Variants in EHBP1 observed in about 807,000 individuals in gnomAD.
The protein encoded by EHBP1 is EH domain binding protein 1.
In EHBP1, 55 loss-of-function variants were observed where a neutral mutation model predicts 144.0. The observed-to-expected ratio is 0.38, with a 90% confidence interval of 0.31 to 0.48. EHBP1 has a LOEUF of 0.48. Ranked by LOEUF, EHBP1 falls within the 20% of genes least tolerant of loss-of-function variation. The probability of loss-of-function intolerance (pLI) is 0.98; values close to 1 mark genes in which losing one functional copy is unlikely to be tolerated. For missense variants in EHBP1, 1,200 were observed against 1,364.2 expected (o/e 0.88, Z 1.90); for synonymous variants, 469 against 472.7 (o/e 0.99, Z 0.10).
chr2:62,826,170 T>A lies in EHBP1; in HGVS notation c.396T>A (p.Thr132=). The A allele has an allele frequency of 6.2e-7, 1 of 1,611,556 alleles. No homozygotes were observed. Residue 132 remains threonine (T), a synonymous_variant, in exon 6 of 23, where the codon ACT becomes ACA. Transcript: ENST00000431489. ...ATGCAAGCCCTATGCCAACTCAGAC[T>A]GATGTCAAGTTAAAATTCAAGCCAT... ...KQYASPMPTQ[T]DVKLKFKPLS...
chr2:62,830,989 A>G (rs1558749806), intron 6 of EHBP1, 30 bp from the exon 7 acceptor site: 1 of 1,601,330 alleles, frequency 6.2e-7, no homozygotes, highest in Non-Finnish European at 8.5e-7. Flanking sequence ...CATTTAGTAC[A>G]ATGTGTTATA....
chr2:63,038,124 C>T (rs1186916814), intron 20 of EHBP1, among the ~76,000 whole-genome samples: 1 of 151,846 alleles, frequency 6.6e-6, no homozygotes, highest in Non-Finnish European at 1.5e-5. Context: ...GGAGTCTAGA[C>T]AAAATGTAAG....
intron 6 of EHBP1, 93 bp downstream of exon 6, chr2:62,826,361 C>A: frequency 8.7e-7 from 1 of 1,153,396 alleles, no homozygotes; most frequent in Non-Finnish European, 1.2e-6. Context: ...GAACATCTTA[C>A]AGCATACCAA....
intron 14 of EHBP1, among the ~76,000 whole-genome samples, chr2:62,968,422 A>G (rs555084818): frequency 6.6e-6 from 1 of 152,290 alleles, no homozygotes; most frequent in Admixed American, 6.5e-5. Flanking sequence ...ACATAAGCAC[A>G]TATATATCTG....
In EHBP1 at chr2:62,934,028, G is replaced by A. The variant is rs570227596; in HGVS notation, c.1186-8690G>A. 3.3e-5 allele frequency among the ~76,000 whole-genome samples: 5 copies of A among 152,228 alleles called. No homozygotes were observed. The South Asian group carries it at 1.0e-3, about 32-fold the overall frequency. ...ATTTGGAAAATTTTAAAGTGCTGCTGTGAACATTTTTGCATATGTATTCTA... is the reference window on the plus strand; with the variant it reads ...ATTTGGAAAATTTTAAAGTGCTGCTATGAACATTTTTGCATATGTATTCTA... On this transcript the variant is annotated intron_variant, in intron 10 of 22. Coordinates refer to ENST00000431489, the MANE Select transcript of EHBP1 (RefSeq NM_001142616.3).
intron 7 of EHBP1, among the ~76,000 whole-genome samples, chr2:62,857,193 C>T (rs2152782665): frequency 6.6e-6 from 1 of 151,960 alleles, no homozygotes; most frequent in East Asian, 1.9e-4. Context: ...TTTTTTGTTG[C>T]TTTAAGCAAA....
chr2:62,945,969 C>T lies in EHBP1; in HGVS notation c.1413+2119C>T, dbSNP rs549825781. 2.0e-5 allele frequency among the ~76,000 whole-genome samples: 3 copies of T among 150,200 alleles called. No homozygotes were observed. The South Asian group carries it at 6.4e-4, about 32-fold the overall frequency. On this transcript the variant is annotated intron_variant, in intron 12 of 22. Coordinates refer to ENST00000431489, the MANE Select transcript of EHBP1 (RefSeq NM_001142616.3). Reference sequence around the variant, plus strand: ...TTAATTCTTGTATAATTTTGGAGAGCCTGTGTCTATTAAAGTGAAATGCTT... The same window carrying T: ...TTAATTCTTGTATAATTTTGGAGAGTCTGTGTCTATTAAAGTGAAATGCTT...
At chr2:62,739,844 G>A (rs755998173) in intron 2 of EHBP1, among the ~76,000 whole-genome samples, 19 of 151,608 alleles carry the variant, frequency 1.3e-4, no homozygotes, top group Admixed American at 2.6e-4. Context: ...GCTGAAGCAG[G>A]AGGATTGCTT....
intron 10 of EHBP1, among the ~76,000 whole-genome samples, chr2:62,876,091 C>T (rs1265185858): frequency 6.6e-6 from 1 of 152,194 alleles, no homozygotes; most frequent in African/African-American, 2.4e-5. Flanking sequence ...TTTCCCCATC[C>T]TTGCTAGAGA....
chr2:62,944,881 A>C (rs1303833259), intron 12 of EHBP1, among the ~76,000 whole-genome samples: 1 of 152,240 alleles, frequency 6.6e-6, no homozygotes, highest in Non-Finnish European at 1.5e-5. Context: ...GAATTCTTCA[A>C]CTGAAAAATT....
chr2:62,683,389 G>A (rs532844238), intron 1 of EHBP1, among the ~76,000 whole-genome samples: 21 of 152,232 alleles, frequency 1.4e-4, no homozygotes, highest in African/African-American at 4.3e-4. Flanking sequence ...GGCCAGGCGC[G>A]GTGTCTCCGC....
At chr2:62,767,691 C>G (rs2041299917) in intron 4 of EHBP1, among the ~76,000 whole-genome samples, 1 of 151,718 alleles carries the variant, frequency 6.6e-6, no homozygotes, top group Non-Finnish European at 1.5e-5. Context: ...AAAAAATTAG[C>G]TGGGTGCAGT....
chr2:62,850,838 G>A (rs1311032727), intron 7 of EHBP1, among the ~76,000 whole-genome samples: 1 of 151,940 alleles, frequency 6.6e-6, no homozygotes, highest in African/African-American at 2.4e-5. Flanking sequence ...TAGAAAATTG[G>A]AAGAAACAGA....
intron 1 of EHBP1, among the ~76,000 whole-genome samples, chr2:62,677,919 T>C (rs1013878896): frequency 5.9e-5 from 9 of 152,238 alleles, no homozygotes; most frequent in Admixed American, 5.9e-4. Context: ...ATCTTGGCTA[T>C]TGTGAACACT....
chr2:62,794,494 A>G (rs1031180863), intron 5 of EHBP1, among the ~76,000 whole-genome samples: 2 of 152,076 alleles, frequency 1.3e-5, no homozygotes, highest in Non-Finnish European at 2.9e-5. Flanking sequence ...TAATCATTGT[A>G]CATGTGAAAA....
chr2:63,031,048 C>T (rs1018985253), intron 19 of EHBP1, among the ~76,000 whole-genome samples: 12 of 152,162 alleles, frequency 7.9e-5, no homozygotes, highest in South Asian at 4.1e-4. Context: ...CCGCCCACCT[C>T]GGCCTCCCAA....
chr2:63,015,672 A>G (rs769260726), intron 19 of EHBP1, among the ~76,000 whole-genome samples: 6 of 152,104 alleles, frequency 3.9e-5, no homozygotes, highest in Non-Finnish European at 5.9e-5. Flanking sequence ...ATAGACATTA[A>G]TATGTCTATT....
intron 19 of EHBP1, among the ~76,000 whole-genome samples, chr2:63,013,577 C>G (rs1429503327): frequency 2.0e-5 from 3 of 152,134 alleles, no homozygotes; most frequent in African/African-American, 4.8e-5. Context: ...GCTTTCAAAA[C>G]GACAAACTAG....
At chr2:62,858,290 A>G (rs1432651103) in intron 7 of EHBP1, 2 of 625,326 alleles carry the variant, frequency 3.2e-6, no homozygotes, top group Non-Finnish European at 5.7e-6. Flanking sequence ...CACCGAATGT[A>G]TTCTGTTGAT....
Sources: gnomAD v4.1 joint callset for allele counts (sites outside exome capture counted in the v4.1 genomes callset) on GRCh38, gnomAD v4.1.1 for gene constraint, MANE v1.5 for transcripts, NCBI Gene and HGNC (gene_info 2026-07-23, HGNC 2026-07-21) for gene names.